PPP3CA: variants seen among roughly 807,000 people sequenced by gnomAD.
PPP3CA encodes the protein CAM-PRP catalytic subunit.
Under a neutral mutation model 66.5 loss-of-function variants are expected in PPP3CA, and 14 were observed. The observed-to-expected ratio is 0.21, with a 90% CI of 0.14 to 0.33. The LOEUF is 0.33. Among genes scored for constraint, PPP3CA ranks in the 10% least tolerant of loss-of-function variants. The pLI is 1.00. For missense variants in PPP3CA, 317 were observed against 639.5 expected, an observed-to-expected ratio of 0.50 and a Z score of 5.44; for synonymous variants, 232 against 226.2, an observed-to-expected ratio of 1.03 and a Z score of -0.23.
Position 101,279,090 on chromosome 4 carries a change from C to A in PPP3CA, c.58+67649G>T, listed in dbSNP as rs182573664. 2.5e-3 allele frequency among the ~76,000 whole-genome samples: 378 copies of A among 152,160 alleles called. 2 individuals carry two copies. The highest frequency in any genetic ancestry group is 2.9e-3 in the Non-Finnish European group (199 of 68,012). On this transcript the variant is annotated intron_variant, in intron 1 of 13. Coordinates refer to ENST00000394854, the MANE Select transcript of PPP3CA (RefSeq NM_000944.5). Reference sequence around the variant, plus strand: ...AAATCACAAACCAATCACCTTCTCACTGAAAAAAGTTAGGACAATGTTCTA... The same window carrying A: ...AAATCACAAACCAATCACCTTCTCAATGAAAAAAGTTAGGACAATGTTCTA...
chr4:101,326,866 A>G (rs1350641827), intron 1 of PPP3CA, among the ~76,000 whole-genome samples: 1 of 152,234 alleles, frequency 6.6e-6, no homozygotes, highest in Non-Finnish European at 1.5e-5. Flanking sequence ...CCTCTTAAAT[A>G]TAGGCTAAAT....
At chr4:101,275,779 T>G (rs1206447116) in intron 1 of PPP3CA, among the ~76,000 whole-genome samples, 1 of 152,180 alleles carries the variant, frequency 6.6e-6, no homozygotes, top group African/African-American at 2.4e-5. Flanking sequence ...GCTTGTTATG[T>G]GCAAGGTCAC....
At chr4:101,247,063 C>T (rs967606745) in intron 1 of PPP3CA, among the ~76,000 whole-genome samples, 2 of 152,162 alleles carry the variant, frequency 1.3e-5, no homozygotes, top group Non-Finnish European at 2.9e-5. Context: ...CACACAAACT[C>T]ACTGAGTAGA....
At chr4:101,094,023 A>G in intron 5 of PPP3CA, 108 bp from the exon 6 acceptor site, 1 of 1,040,258 alleles carries the variant, frequency 9.6e-7, no homozygotes, top group Non-Finnish European at 1.3e-6. Flanking sequence ...CTCCCCAGCT[A>G]CAGCTCAGGG....
chr4:101,192,042 T>G (rs951765018), intron 2 of PPP3CA, among the ~76,000 whole-genome samples: 6 of 152,206 alleles, frequency 3.9e-5, no homozygotes, highest in Admixed American at 6.6e-5. Context: ...GGTCTGCTTT[T>G]GCATTACAAA....
At chr4:101,177,705 G>A (rs1224575274) in intron 2 of PPP3CA, among the ~76,000 whole-genome samples, 1 of 151,848 alleles carries the variant, frequency 6.6e-6, no homozygotes, top group Non-Finnish European at 1.5e-5. Flanking sequence ...TTGAATTTTT[G>A]AATTTTCTAT....
At chr4:101,130,085 C>T (rs770840495) in intron 2 of PPP3CA, among the ~76,000 whole-genome samples, 2 of 151,718 alleles carry the variant, frequency 1.3e-5, no homozygotes, top group East Asian at 1.9e-4. Context: ...AAACAGAGCA[C>T]GAGAACTTAA....
intron 13 of PPP3CA, among the ~76,000 whole-genome samples, chr4:101,026,949 A>G (rs540048069): frequency 6.2e-4 from 95 of 152,352 alleles, no homozygotes; most frequent in South Asian, 2.3e-3. Context: ...TTTTGGTCCT[A>G]TTCAATTAAA....
intron 2 of PPP3CA, among the ~76,000 whole-genome samples, chr4:101,113,061 T>C (rs1329896064): frequency 6.6e-6 from 1 of 152,170 alleles, no homozygotes; most frequent in Non-Finnish European, 1.5e-5. Flanking sequence ...TTTGCTTTGA[T>C]GGAAACCAAA....
chr4:101,102,590 G>A (rs1451992887), intron 3 of PPP3CA, among the ~76,000 whole-genome samples: 1 of 152,108 alleles, frequency 6.6e-6, no homozygotes, highest in Admixed American at 6.5e-5. Flanking sequence ...GTGGGAGAGA[G>A]CTGCCAAGTA....
intron 1 of PPP3CA, among the ~76,000 whole-genome samples, chr4:101,258,922 C>CAG (rs1726925873): frequency 6.6e-6 from 1 of 152,114 alleles, no homozygotes; most frequent in African/African-American, 2.4e-5. Flanking sequence ...CTAAAGGGAG[C>CAG]ATCTAACATT....
Position 101,187,023 on chromosome 4 carries a change from A to G in PPP3CA, c.259+8893T>C, listed in dbSNP as rs148506165. Among the ~76,000 whole-genome samples the G allele has an allele frequency of 1.8e-3, 280 of 152,300 alleles. 2 individuals carry two copies. The highest frequency in any genetic ancestry group is 6.6e-3 in the African/African-American group (273 of 41,568). On this transcript the variant is annotated intron_variant, in intron 2 of 13. Coordinates refer to ENST00000394854, the MANE Select transcript of PPP3CA (RefSeq NM_000944.5). Reference sequence around the variant, plus strand: ...ATGACACTAACACCACTGAATAGATAGAAAGCTGAGATTTAAAGAGGTGAA... The same window carrying G: ...ATGACACTAACACCACTGAATAGATGGAAAGCTGAGATTTAAAGAGGTGAA...
At chr4:101,155,097 G>T (rs1474459810) in intron 2 of PPP3CA, among the ~76,000 whole-genome samples, 1 of 152,084 alleles carries the variant, frequency 6.6e-6, no homozygotes, top group African/African-American at 2.4e-5. Context: ...TTACGGGCGT[G>T]AGCCAACGCG....
chr4:101,127,336 T>C (rs1722276178), intron 2 of PPP3CA, among the ~76,000 whole-genome samples: 1 of 152,088 alleles, frequency 6.6e-6, no homozygotes, highest in South Asian at 2.1e-4. Context: ...CAAATGTGAC[T>C]ATACTTAGAA....
intron 1 of PPP3CA, among the ~76,000 whole-genome samples, chr4:101,306,715 T>A (rs558194864): frequency 6.6e-6 from 1 of 152,222 alleles, no homozygotes; most frequent in Non-Finnish European, 1.5e-5. Flanking sequence ...TCTGACTTAC[T>A]GTAATTCTGA....
At chr4:101,202,610 C>T (rs573933315) in intron 1 of PPP3CA, among the ~76,000 whole-genome samples, 49 of 151,518 alleles carry the variant, frequency 3.2e-4, no homozygotes, top group East Asian at 2.1e-3. Flanking sequence ...GTTCTACTTA[C>T]GCTACTCCTT....
chr4:101,096,303 G>C (rs1330846787), intron 5 of PPP3CA, among the ~76,000 whole-genome samples: 1 of 152,026 alleles, frequency 6.6e-6, no homozygotes, highest in Admixed American at 6.5e-5. Context: ...GAGACTTATG[G>C]TATGCAAATA....
chr4:101,080,693 G>T, intron 7 of PPP3CA, 67 bp from the exon 8 acceptor site: 1 of 981,950 alleles, frequency 1.0e-6, no homozygotes, highest in Non-Finnish European at 1.4e-6. Context: ...ATCATAGATT[G>T]AGAAATAGAA....
chr4:101,138,608 A>G (rs1722697671), intron 2 of PPP3CA, among the ~76,000 whole-genome samples: 1 of 152,154 alleles, frequency 6.6e-6, no homozygotes, highest in Admixed American at 6.5e-5. Context: ...ATTTCCTTGG[A>G]GTGTCATGTT....
Sources: allele counts gnomAD v4.1 joint callset (sites outside exome capture counted in the v4.1 genomes callset), GRCh38; gene constraint gnomAD v4.1.1; transcripts MANE v1.5; gene names NCBI Gene and HGNC (gene_info 2026-07-23, HGNC 2026-07-21).